Variants in DCC observed in about 807,000 individuals in gnomAD.
DCC encodes DCC netrin 1 receptor, also known as netrin receptor DCC.
Under a neutral mutation model 172.5 loss-of-function variants are expected in DCC, and 58 were observed. That is an observed-to-expected ratio of 0.34 (90% CI 0.27 to 0.42). The LOEUF is 0.42. Ranked by LOEUF, DCC falls within the 10% of genes least tolerant of loss-of-function variation. The pLI is 1.00. For missense variants in DCC, 1,740 were observed against 1,791.0 expected (o/e 0.97, Z 0.51); for synonymous variants, 709 against 644.5 (o/e 1.10, Z -1.52).
intron 1 of DCC, among the ~76,000 whole-genome samples, chr18:52,543,486 T>G (rs1180936000): frequency 6.6e-6 from 1 of 152,200 alleles, no homozygotes; most frequent in Non-Finnish European, 1.5e-5. Context: ...AAAACCAACC[T>G]TGAATTGCTG....
intron 12 of DCC, among the ~76,000 whole-genome samples, chr18:53,230,448 A>T (rs1395465674): frequency 6.6e-6 from 1 of 152,206 alleles, no homozygotes; most frequent in East Asian, 1.9e-4. Flanking sequence ...ACTCCAGCGT[A>T]TCATTTTAAA....
rs570877140 is a variant in DCC at position 53,230,300 on chromosome 18, T to C, written c.1911+14703T>C. Among the ~76,000 whole-genome samples, 67 of 152,204 alleles carry C rather than the reference T, an allele frequency of 4.4e-4. 1 individual carries two copies. The South Asian group carries it at 0.012, about 28-fold the overall frequency. On this transcript the variant is annotated intron_variant, in intron 12 of 28. Transcript: ENST00000442544. ...TTGATATACCCCCAAAGTAGAAGAATTGCACAGTGCCTTTAATAATATCTT... is the reference window on the plus strand; with the variant it reads ...TTGATATACCCCCAAAGTAGAAGAACTGCACAGTGCCTTTAATAATATCTT...
At chr18:52,714,904 G>C (rs965047622) in intron 1 of DCC, among the ~76,000 whole-genome samples, 4 of 152,146 alleles carry the variant, frequency 2.6e-5, no homozygotes, top group African/African-American at 9.7e-5. Context: ...CTGTTGGTTT[G>C]CTGTAGAAGT....
chr18:52,433,639 G>A (rs1001650653), intron 1 of DCC, among the ~76,000 whole-genome samples: 1 of 152,108 alleles, frequency 6.6e-6, no homozygotes, highest in Non-Finnish European at 1.5e-5. Context: ...TGTAGTTGAT[G>A]AAAAAACAAA....
At chr18:52,776,710 G>A (rs9960305) in intron 2 of DCC, among the ~76,000 whole-genome samples, 8,046 of 152,164 alleles carry the variant, frequency 0.053, 288 homozygotes, top group South Asian at 0.16. Flanking sequence ...AGAGAAAAAC[G>A]CACATACATA....
intron 7 of DCC, among the ~76,000 whole-genome samples, chr18:53,091,829 A>ATCTG (rs2043013946): frequency 1.4e-5 from 1 of 72,742 alleles, no homozygotes; most frequent in Non-Finnish European, 2.4e-5. Context: ...CTATCTATCT[A>ATCTG]TCTATCTATC....
chr18:52,627,963 CCT>C (rs1157043948), intron 1 of DCC, among the ~76,000 whole-genome samples: 1 of 152,048 alleles, frequency 6.6e-6, no homozygotes, highest in South Asian at 2.1e-4. Flanking sequence ...TCTTTCTAGC[CCT>C]CTCTTTTTCT....
chr18:53,427,576 G>C (rs1261020529), intron 21 of DCC, among the ~76,000 whole-genome samples: 1 of 145,196 alleles, frequency 6.9e-6, no homozygotes, highest in Non-Finnish European at 1.5e-5. Context: ...AGATAGTCAA[G>C]TGTAGTTATT....
chr18:52,500,060 T>A (rs1431959602), intron 1 of DCC, among the ~76,000 whole-genome samples: 2 of 152,130 alleles, frequency 1.3e-5, no homozygotes, highest in Non-Finnish European at 2.9e-5. Context: ...GGGTCCCTGA[T>A]TTTATTACAG....
chr18:53,101,843 G>A (rs558008709), intron 7 of DCC, among the ~76,000 whole-genome samples: 42 of 149,872 alleles, frequency 2.8e-4, no homozygotes, highest in Admixed American at 3.3e-4. Flanking sequence ...GTGTGTGTGC[G>A]TGTGCGTGTG....
chr18:53,506,859 C>CAA (rs34848744), intron 27 of DCC, among the ~76,000 whole-genome samples: 98 of 133,374 alleles, frequency 7.3e-4, no homozygotes, highest in African/African-American at 2.0e-3. Flanking sequence ...GACTCCATCT[C>CAA]AAAAAAAAAA....
chr18:53,490,199 A>ATAGAG (rs2144382918), intron 26 of DCC, among the ~76,000 whole-genome samples: 1 of 151,554 alleles, frequency 6.6e-6, no homozygotes, highest in East Asian at 1.9e-4. Flanking sequence ...AATGGAGTTC[A>ATAGAG]TAGAGTAATC....
chr18:53,290,317 G>A (rs1042124215), intron 12 of DCC, among the ~76,000 whole-genome samples: 2 of 152,160 alleles, frequency 1.3e-5, no homozygotes, highest in Non-Finnish European at 2.9e-5. Flanking sequence ...GTTAACATGA[G>A]TTATGTGAAT....
Position 52,671,532 on chromosome 18 carries a change from C to CTT in DCC, c.92-80502_92-80501dup, listed in dbSNP as rs761856360. 2.3e-3 allele frequency among the ~76,000 whole-genome samples: 270 copies of CTT among 116,960 alleles called. 5 individuals carry two copies. Among genetic ancestry groups the CTT allele is most frequent in the Middle Eastern group, 4.3e-3 (1 of 232 alleles). The allele number at this position is 116,960 out of a possible 152,430, so 76.7% of individuals were successfully genotyped here. On this transcript the variant is annotated intron_variant, in intron 1 of 28. Transcript: ENST00000442544. Reference sequence around the variant, plus strand: ...GCATTGCTCAGTATCATATGCCAACCTTTTTTTTTTTTTTTTTTTTTGAGA... The same window carrying CTT: ...GCATTGCTCAGTATCATATGCCAACCTTTTTTTTTTTTTTTTTTTTTTTGAGA...
intron 7 of DCC, among the ~76,000 whole-genome samples, chr18:53,077,225 C>T (rs2042736071): frequency 6.6e-6 from 1 of 151,798 alleles, no homozygotes; most frequent in African/African-American, 2.4e-5. Flanking sequence ...ATATATAGTC[C>T]TACCTTGAGC....
intron 12 of DCC, among the ~76,000 whole-genome samples, chr18:53,297,380 A>G (rs1402808617): frequency 2.0e-5 from 3 of 152,200 alleles, no homozygotes; most frequent in Non-Finnish European, 4.4e-5. Flanking sequence ...AATTAGAGGA[A>G]GCTAAATTTT....
chr18:52,600,581 C>T (rs1053718342), intron 1 of DCC, among the ~76,000 whole-genome samples: 9 of 152,148 alleles, frequency 5.9e-5, no homozygotes, highest in Non-Finnish European at 1.0e-4. Flanking sequence ...CTTAATAGAT[C>T]GATTTAAGTA....
chr18:52,825,208 C>T (rs1376660101), intron 2 of DCC, among the ~76,000 whole-genome samples: 1 of 152,104 alleles, frequency 6.6e-6, no homozygotes, highest in Non-Finnish European at 1.5e-5. Flanking sequence ...ATCCTATGAT[C>T]CAAGTTTATC....
chr18:52,631,325 A>G (rs146971484), intron 1 of DCC, among the ~76,000 whole-genome samples: 1 of 152,362 alleles, frequency 6.6e-6, no homozygotes, highest in Non-Finnish European at 1.5e-5. Context: ...AAACAGAAAA[A>G]GCTTAGAGGA....
Sources: allele counts gnomAD v4.1 joint callset (sites outside exome capture counted in the v4.1 genomes callset), GRCh38; gene constraint gnomAD v4.1.1; transcripts MANE v1.5; gene names NCBI Gene and HGNC (gene_info 2026-07-23, HGNC 2026-07-21).